RADX: variants seen among roughly 807,000 people sequenced by gnomAD.
The protein encoded by RADX is RPA-related protein RADX.
Under a neutral mutation model 61.6 loss-of-function variants are expected in RADX, and 36 were observed. The ratio of observed to expected loss-of-function variants is 0.58; its 90% CI spans 0.45 to 0.77. RADX has a LOEUF of 0.77. Among genes scored for constraint, RADX ranks in the 30% least tolerant of loss-of-function variants. The probability of loss-of-function intolerance (pLI) is 0.00; values close to 1 mark genes in which losing one functional copy is unlikely to be tolerated. For missense variants in RADX, 497 were observed against 651.1 expected, an observed-to-expected ratio of 0.76 and a Z score of 2.58; for synonymous variants, 272 against 237.9, an observed-to-expected ratio of 1.14 and a Z score of -1.32.
chrX:106,627,811 C>T (rs908415849), intron 3 of RADX, among the ~76,000 whole-genome samples: 1 of 111,451 alleles, frequency 9.0e-6, no homozygotes, highest in African/African-American at 3.3e-5. Context: ...AGAAAGGTGA[C>T]TATCTTTTTT....
At chrX:106,677,039 A>G (rs953619607) in intron 13 of RADX, among the ~76,000 whole-genome samples, 2 of 111,904 alleles carry the variant, frequency 1.8e-5, no homozygotes, top group African/African-American at 6.5e-5. Flanking sequence ...ACTGGCTACT[A>G]TTTTTGTCTT....
intron 1 of RADX, among the ~76,000 whole-genome samples, chrX:106,614,805 C>T (rs2147607935): frequency 9.0e-6 from 1 of 110,735 alleles, no homozygotes; most frequent in South Asian, 3.8e-4. Flanking sequence ...GTTTATGGCA[C>T]ACGTTTGTGC....
At chrX:106,657,893 C>T (rs190328099) in intron 11 of RADX, among the ~76,000 whole-genome samples, 18 of 111,330 alleles carry the variant, frequency 1.6e-4, no homozygotes, top group South Asian at 3.8e-4. Context: ...CAAAACGTGA[C>T]GCAGAGACAC....
chrX:106,614,920 C>A (rs1315197226), intron 1 of RADX, among the ~76,000 whole-genome samples: 3 of 111,664 alleles, frequency 2.7e-5, no homozygotes. Flanking sequence ...GTAACCATCA[C>A]CCCCCTCCCT....
chrX:106,660,507 C>A (rs1928063070), intron 11 of RADX, among the ~76,000 whole-genome samples: 1 of 111,986 alleles, frequency 8.9e-6, no homozygotes, highest in Non-Finnish European at 1.9e-5. Flanking sequence ...CATACTGAAA[C>A]CTTGCTATTG....
At chrX:106,641,885 T>G (rs1927523032) in intron 10 of RADX, among the ~76,000 whole-genome samples, 1 of 111,789 alleles carries the variant, frequency 8.9e-6, no homozygotes, top group Admixed American at 9.6e-5. Context: ...CATGGGTCTT[T>G]ACTACAAAAC....
chrX:106,644,529 T>A (rs1193277319), intron 10 of RADX, among the ~76,000 whole-genome samples: 1 of 111,546 alleles, frequency 9.0e-6, no homozygotes, highest in Non-Finnish European at 1.9e-5. Flanking sequence ...TTGAAATGAT[T>A]GTATGGTTTT....
chrX:106,612,834 A>C, intron 1 of RADX, 111 bp downstream of exon 1: 4 of 760,712 alleles, frequency 5.3e-6, no homozygotes, highest in Non-Finnish European at 7.4e-6. Context: ...ACAAGCCAGG[A>C]GTGGTAGGTA....
chrX:106,627,754 C>T (rs1189396522), intron 3 of RADX, among the ~76,000 whole-genome samples: 1 of 111,937 alleles, frequency 8.9e-6, no homozygotes, highest in Non-Finnish European at 1.9e-5. Flanking sequence ...ACTGTAAGAT[C>T]TAACTCATAA....
intron 11 of RADX, among the ~76,000 whole-genome samples, chrX:106,661,705 T>C (rs1928101988): frequency 8.9e-6 from 1 of 111,846 alleles, no homozygotes; most frequent in African/African-American, 3.2e-5. Flanking sequence ...AAAGAACATA[T>C]GTTTAAGAGC....
At chrX:106,659,917 A>C (rs1405160408) in intron 11 of RADX, among the ~76,000 whole-genome samples, 1 of 112,108 alleles carries the variant, frequency 8.9e-6, no homozygotes, top group Non-Finnish European at 1.9e-5. Context: ...CTTTTTCCAA[A>C]CAGATCAATC....
chrX:106,617,188 G>A (rs965936799), intron 1 of RADX, among the ~76,000 whole-genome samples: 2 of 107,811 alleles, frequency 1.9e-5, no homozygotes, highest in East Asian at 2.9e-4. Flanking sequence ...ACCACACCTG[G>A]CTAACTTTTG....
intron 11 of RADX, among the ~76,000 whole-genome samples, chrX:106,660,080 T>A (rs1797598810): frequency 8.9e-6 from 1 of 112,041 alleles, no homozygotes; most frequent in African/African-American, 3.2e-5. Flanking sequence ...TAATTGTTGT[T>A]CTGATTATGT....
At chrX:106,622,934 A>G in intron 2 of RADX, 141 bp downstream of exon 2, 1 of 364,422 alleles carries the variant, frequency 2.7e-6, no homozygotes, top group Non-Finnish European at 4.7e-6. Flanking sequence ...ACGTAAATGT[A>G]TATTATAAAG....
rs756351054 is a variant in RADX at position 106,612,521 on chromosome X, C to T, written c.441C>T (p.Ile147=). The part of the protein sequence containing the change: ...LYNEKRIGQG[I]LCIDNVHCGE... ...ATGAGAAAAGGATAGGCCAGGGGAT[C>T]CTGTGCATAGATAACGTCCACTGTG... Residue 147 remains isoleucine (I), a synonymous_variant, in exon 1 of 14, where the codon ATC becomes ATT. Coordinates refer to ENST00000372548, the MANE Select transcript of RADX (RefSeq NM_018015.6). The T allele has an allele frequency of 1.7e-6, 2 of 1,209,068 alleles. No individual in the cohort carries two copies. Among genetic ancestry groups the T allele is most frequent in the African/African-American group, 3.5e-5 (2 of 57,070 alleles).
chrX:106,663,640 A>T (rs1262437457), intron 12 of RADX, among the ~76,000 whole-genome samples: 1 of 111,727 alleles, frequency 9.0e-6, no homozygotes, highest in African/African-American at 3.3e-5. Context: ...ATCATTTGTA[A>T]CTCAAAGGAT....
At chrX:106,661,379 T>G (rs1452118827) in intron 11 of RADX, among the ~76,000 whole-genome samples, 1 of 108,315 alleles carries the variant, frequency 9.2e-6, no homozygotes, top group African/African-American at 3.4e-5. Flanking sequence ...CTTGTTTTTT[T>G]TTTTTGGTTT....
chrX:106,637,819 A>G lies in RADX; in HGVS notation c.1468A>G (p.Arg490Gly). ...AKVKNFIQWI[R>G]TKSDSGEQKN... is the part of the protein sequence containing the mutation. ...GGTAAAAAACTTTATTCAATGGATTAGAACAAAGTCTGATTCCGGGGAACA... is the reference window on the plus strand; with the variant it reads ...GGTAAAAAACTTTATTCAATGGATTGGAACAAAGTCTGATTCCGGGGAACA... The change falls in exon 8 of 14, where the codon AGA becomes GGA. Residue 490 changes from arginine to glycine, a missense_variant. By Grantham distance (125) the Arg-to-Gly change is moderately radical (BLOSUM62 -2). Coordinates refer to ENST00000372548, the MANE Select transcript of RADX (RefSeq NM_018015.6). 8.3e-7 allele frequency: 1 copy of G among 1,208,213 alleles called. No homozygotes were observed. Among genetic ancestry groups the G allele is most frequent in the Non-Finnish European group, 1.1e-6 (1 of 892,471 alleles).
At position 106,632,635 on chromosome X, in the gene RADX, G is replaced by A; in HGVS notation, c.990G>A (p.Leu330=). The stretch of plus-strand genomic sequence containing the variant: ...ATATTTATTTTTCAGAAATCTGCCT[G>A]AATCTTCGAGATCCCCCAACAAATA... ...IKLISTMEIC[L]NLRDPPTNII... is the part of the protein sequence containing the mutation. Residue 330 remains leucine (L), a synonymous_variant, in exon 4 of 14, where the codon CTG becomes CTA. Transcript: ENST00000372548. 1 of 1,186,130 alleles carries A rather than the reference G, an allele frequency of 8.4e-7. No individual in the cohort carries two copies. Among genetic ancestry groups the A allele is most frequent in the Non-Finnish European group, 1.1e-6 (1 of 876,627 alleles).
Sources: allele counts gnomAD v4.1 joint callset (sites outside exome capture counted in the v4.1 genomes callset), GRCh38; gene constraint gnomAD v4.1.1; transcripts MANE v1.5; gene names NCBI Gene and HGNC (gene_info 2026-07-23, HGNC 2026-07-21).